MTAP: variants seen among roughly 807,000 people sequenced by gnomAD.
MTAP encodes S-methyl-5'-thioadenosine phosphorylase.
A neutral mutation model predicts 33.6 loss-of-function variants in MTAP; 33 were observed. That is an observed-to-expected ratio of 0.98 (90% CI 0.74 to 1.31). The LOEUF is 1.31. Ranked by LOEUF, MTAP falls within the 40% of genes most tolerant of loss-of-function variation. The pLI, the probability that MTAP is intolerant of heterozygous loss-of-function variation, is 0.00. For missense variants in MTAP, 367 were observed against 360.0 expected (o/e 1.02, Z -0.16); for synonymous variants, 148 against 125.7 (o/e 1.18, Z -1.19).
chr9:21,913,418 T>G (rs755607329), intron 1 of MTAP, among the ~76,000 whole-genome samples: 3 of 152,172 alleles, frequency 2.0e-5, no homozygotes, highest in Non-Finnish European at 4.4e-5. Context: ...ATGGTACTGG[T>G]ACCAAAACAG....
At chr9:21,833,263 G>C (rs1228675922) in intron 4 of MTAP, among the ~76,000 whole-genome samples, 1 of 152,102 alleles carries the variant, frequency 6.6e-6, no homozygotes, top group Non-Finnish European at 1.5e-5. Context: ...GCTCACTGCA[G>C]CCTTTACCTC....
At chr9:21,939,746 G>T (rs1052483153), downstream of MTAP, among the ~76,000 whole-genome samples, 1 of 151,898 alleles carries the variant, frequency 6.6e-6, no homozygotes, top group Non-Finnish European at 1.5e-5. Flanking sequence ...AACTAGGTAT[G>T]GTGGTGCACG....
At chr9:21,888,296 C>T (rs1220903643) in intron 1 of MTAP, among the ~76,000 whole-genome samples, 1 of 152,074 alleles carries the variant, frequency 6.6e-6, no homozygotes, top group Non-Finnish European at 1.5e-5. Context: ...GTGTATTCTA[C>T]AGTTATTGGG....
chr9:21,932,167 G>A (rs1299733623), downstream of MTAP: 2 of 152,152 alleles, frequency 1.3e-5, no homozygotes, highest in Non-Finnish European at 2.9e-5. Context: ...AGAAAATTAT[G>A]GCAGTAGGGG....
At chr9:21,884,344 T>A (rs779246227) in intron 1 of MTAP, among the ~76,000 whole-genome samples, 8 of 152,200 alleles carry the variant, frequency 5.3e-5, no homozygotes, top group Non-Finnish European at 1.0e-4. Flanking sequence ...ATGATTGTGG[T>A]ATACTTATAT....
intron 5 of MTAP, among the ~76,000 whole-genome samples, chr9:21,849,191 C>G (rs1825452431): frequency 6.6e-6 from 1 of 152,158 alleles, no homozygotes; most frequent in African/African-American, 2.4e-5. Flanking sequence ...TGAGGAAGGA[C>G]CCCACTATAT....
At position 21,803,058 on chromosome 9, in the gene MTAP, C is replaced by T; in HGVS notation, c.33+277C>T. The T allele has an allele frequency of 3.3e-6, 3 of 895,598 alleles. 1 individual carries two copies. Among genetic ancestry groups the T allele is most frequent in the Middle Eastern group, 7.3e-4 (2 of 2,726 alleles). The allele number at this position is 895,598 out of a possible 1,614,324, so 55.5% of individuals were successfully genotyped here. ...CACACCACCTTTTGGCTTATCTGCA[C>T]CCGCACCCTGTAGGGCGTAGGCACC... On this transcript the variant is annotated intron_variant, in intron 1 of 7. Coordinates refer to ENST00000644715, the MANE Select transcript of MTAP (RefSeq NM_002451.4).
At chr9:21,854,925 G>T in intron 6 of MTAP, 55 bp downstream of exon 6, 2 of 1,593,512 alleles carry the variant, frequency 1.3e-6, no homozygotes, top group Non-Finnish European at 1.7e-6. Flanking sequence ...GTGCCAATAG[G>T]GTGTCTTAAC....
intron 1 of MTAP, among the ~76,000 whole-genome samples, chr9:21,815,080 C>G (rs1486848921): frequency 6.6e-6 from 1 of 152,192 alleles, no homozygotes. Flanking sequence ...AAGGTACTTT[C>G]CACTACCATA....
chr9:21,865,204 C>T lies in MTAP; in HGVS notation c.*3190C>T, dbSNP rs1001442356. Reference sequence around the variant, plus strand: ...GTGGTTACCCCCACACTGCTGTTCTCATGATACTGAGTTCTCACAAGTCCT... The same window carrying T: ...GTGGTTACCCCCACACTGCTGTTCTTATGATACTGAGTTCTCACAAGTCCT... On this transcript the variant is annotated 3_prime_UTR_variant, in exon 8 of 8. Coordinates refer to ENST00000644715, the MANE Select transcript of MTAP (RefSeq NM_002451.4). 1.6e-6 allele frequency: 1 copy of T among 607,706 alleles called. No homozygotes were observed. The highest frequency in any genetic ancestry group is 2.0e-5 in the African/African-American group (1 of 49,742). The allele number at this position is 607,706 out of a possible 1,614,324, so 37.6% of individuals were successfully genotyped here.
intron 3 of MTAP, 104 bp downstream of exon 3, chr9:21,816,876 G>A: frequency 1.1e-6 from 1 of 940,480 alleles, no homozygotes; most frequent in African/African-American, 1.7e-5. Flanking sequence ...TTATATGTTG[G>A]CAGAATCAGA....
intron 1 of MTAP, among the ~76,000 whole-genome samples, chr9:21,894,362 C>G (rs1040015152): frequency 1.3e-5 from 2 of 152,032 alleles, no homozygotes; most frequent in Non-Finnish European, 2.9e-5. Context: ...GATGCCCACT[C>G]TCACCACTCC....
At chr9:21,832,117 T>A (rs1306664583) in intron 4 of MTAP, among the ~76,000 whole-genome samples, 1 of 152,244 alleles carries the variant, frequency 6.6e-6, no homozygotes, top group Non-Finnish European at 1.5e-5. Flanking sequence ...ACTTATTTTC[T>A]TGGTAGAACT....
downstream of MTAP, among the ~76,000 whole-genome samples, chr9:21,869,189 C>T (rs1825898789): frequency 6.6e-6 from 1 of 152,008 alleles, no homozygotes; most frequent in African/African-American, 2.4e-5. Flanking sequence ...GCATAAAATC[C>T]CTCGAGTTAT....
At chr9:21,915,055 C>CCTTTCTTCCTTTCTTTCTTT (rs1818661055) in intron 1 of MTAP, among the ~76,000 whole-genome samples, 2 of 25,856 alleles carry the variant, frequency 7.7e-5, no homozygotes, top group East Asian at 4.3e-3. Context: ...TTCCTTCCTT[C>CCTTTCTTCCTTTCTTTCTTT]CTTTCTTTCT....
chr9:21,808,609 C>T (rs1449209590), intron 1 of MTAP, among the ~76,000 whole-genome samples: 1 of 144,308 alleles, frequency 6.9e-6, no homozygotes, highest in South Asian at 2.2e-4. Context: ...AAAAAAAACA[C>T]ACACACACAC....
At chr9:21,853,264 C>T (rs527668683) in intron 5 of MTAP, among the ~76,000 whole-genome samples, 9 of 148,624 alleles carry the variant, frequency 6.1e-5, no homozygotes, top group South Asian at 2.2e-4. Context: ...ATTGAACCAG[C>T]GGGAGTGGGC....
At chr9:21,923,186 C>T (rs1818816443) in intron 1 of MTAP, among the ~76,000 whole-genome samples, 1 of 152,192 alleles carries the variant, frequency 6.6e-6, no homozygotes, top group Non-Finnish European at 1.5e-5. Flanking sequence ...TTGCAGATGT[C>T]CATTGGCTCA....
intron 1 of MTAP, among the ~76,000 whole-genome samples, chr9:21,918,895 G>T (rs191284980): frequency 1.3e-5 from 2 of 152,234 alleles, no homozygotes; most frequent in Admixed American, 6.5e-5. Context: ...AGTCTTGGGG[G>T]TGTCTTTATT....
Sources: gnomAD v4.1 joint callset for allele counts (sites outside exome capture counted in the v4.1 genomes callset) on GRCh38, gnomAD v4.1.1 for gene constraint, MANE v1.5 for transcripts, NCBI Gene and HGNC (gene_info 2026-07-23, HGNC 2026-07-21) for gene names.